The following JAZF1 variants were observed in gnomAD, a reference collection of about 807,000 sequenced individuals.
JAZF1 encodes the protein juxtaposed with another zinc finger protein 1.
Under a neutral mutation model 26.4 loss-of-function variants are expected in JAZF1, and 8 were observed. The observed-to-expected ratio is 0.30, with a 90% CI of 0.18 to 0.55. The LOEUF (loss-of-function observed/expected upper bound fraction) is 0.55. Ranked by LOEUF, JAZF1 falls within the 20% of genes least tolerant of loss-of-function variation. The probability of loss-of-function intolerance (pLI) is 0.94; values close to 1 mark genes in which losing one functional copy is unlikely to be tolerated. For missense variants in JAZF1, 199 were observed against 322.0 expected (o/e 0.62, Z 2.92); for synonymous variants, 126 against 122.3 (o/e 1.03, Z -0.20).
chr7:27,870,075 ATTTTTTTTTTT>A (rs371770357), intron 3 of JAZF1, among the ~76,000 whole-genome samples: 167 of 120,640 alleles, frequency 1.4e-3, no homozygotes, highest in East Asian at 0.011. Context: ...CACCCGGTTA[ATTTTTTTTTTT>A]TTTTTTTTTT....
At chr7:27,845,241 G>C (rs61446104) in intron 3 of JAZF1, among the ~76,000 whole-genome samples, 1 of 152,110 alleles carries the variant, frequency 6.6e-6, no homozygotes, top group Admixed American at 6.5e-5. Context: ...ACCCCTTTGG[G>C]GCCCAGAGTG....
chr7:28,164,712 C>A (rs1279687626), intron 1 of JAZF1, among the ~76,000 whole-genome samples: 2 of 152,156 alleles, frequency 1.3e-5, no homozygotes, highest in African/African-American at 4.8e-5. Context: ...AAATAAAATA[C>A]ATGTTACGTT....
At chr7:27,969,791 G>T (rs564604141) in intron 2 of JAZF1, among the ~76,000 whole-genome samples, 1 of 128,340 alleles carries the variant, frequency 7.8e-6, no homozygotes, top group South Asian at 2.5e-4. Flanking sequence ...TGTGTATGAG[G>T]CAAGACAATG....
chr7:27,933,896 G>A (rs1288410120), intron 2 of JAZF1, among the ~76,000 whole-genome samples: 1 of 152,174 alleles, frequency 6.6e-6, no homozygotes, highest in African/African-American at 2.4e-5. Flanking sequence ...GTCCCACACT[G>A]TGAGTTGGCA....
intron 2 of JAZF1, among the ~76,000 whole-genome samples, chr7:27,927,520 T>C (rs1202628373): frequency 6.6e-6 from 1 of 152,124 alleles, no homozygotes; most frequent in African/African-American, 2.4e-5. Flanking sequence ...TTAAATCATA[T>C]AATAACTATA....
intron 2 of JAZF1, among the ~76,000 whole-genome samples, chr7:27,938,510 G>A (rs944494276): frequency 2.0e-5 from 3 of 152,196 alleles, no homozygotes; most frequent in Non-Finnish European, 4.4e-5. Context: ...TGGTGCTACA[G>A]CCTTGGGCAA....
intron 2 of JAZF1, among the ~76,000 whole-genome samples, chr7:27,937,178 T>G (rs750324660): frequency 4.6e-5 from 7 of 152,200 alleles, no homozygotes; most frequent in African/African-American, 1.7e-4. Flanking sequence ...CCAAAGAGAT[T>G]TGTGCATTAT....
intron 1 of JAZF1, among the ~76,000 whole-genome samples, chr7:28,040,592 A>T (rs1783373259): frequency 6.6e-6 from 1 of 152,114 alleles, no homozygotes; most frequent in African/African-American, 2.4e-5. Context: ...GACAGGTGTG[A>T]GGAGGAGGAA....
In JAZF1 at chr7:28,093,989, G is replaced by T. The variant is rs145159906; in HGVS notation, c.115+86474C>A. On this transcript the variant is annotated intron_variant, in intron 1 of 4. Transcript: ENST00000283928. ...AGTATTCCATATATTCATTCGCAAA[G>T]CTTGGAACTTAGATTCTTGTGTGGC... Among the ~76,000 whole-genome samples, 667 of 152,322 alleles carry T rather than the reference G, an allele frequency of 4.4e-3. 7 individuals are homozygous for T. The highest frequency in any genetic ancestry group is 0.016 in the African/African-American group (651 of 41,572).
chr7:28,048,473 T>C (rs1783534487), intron 1 of JAZF1, among the ~76,000 whole-genome samples: 1 of 152,192 alleles, frequency 6.6e-6, no homozygotes, highest in South Asian at 2.1e-4. Flanking sequence ...TCAGCACTTC[T>C]AAGTTTCTTT....
chr7:28,151,856 TA>T (rs1325332049), intron 1 of JAZF1, among the ~76,000 whole-genome samples: 1 of 152,208 alleles, frequency 6.6e-6, no homozygotes, highest in African/African-American at 2.4e-5. Flanking sequence ...CTAATGTTTT[TA>T]AAAAACCTGC....
chr7:27,957,199 C>CT (rs1785110904), intron 2 of JAZF1, among the ~76,000 whole-genome samples: 1 of 152,172 alleles, frequency 6.6e-6, no homozygotes, highest in African/African-American at 2.4e-5. Flanking sequence ...GGAACAGCAG[C>CT]CAGACCCTGA....
chr7:28,083,618 T>C (rs1450178034), intron 1 of JAZF1, among the ~76,000 whole-genome samples: 1 of 152,074 alleles, frequency 6.6e-6, no homozygotes, highest in Non-Finnish European at 1.5e-5. Context: ...GAGTGCTGTA[T>C]TATTTTATAT....
Position 27,936,057 on chromosome 7 carries a change from G to A in JAZF1, c.189-40641C>T, listed in dbSNP as rs558228309. ...TCCATGCCACCTCCCTGGGAAGTTC[G>A]AAACAAGAACAGCTGCAAGTAGAAA... On this transcript the variant is annotated intron_variant, in intron 2 of 4. Coordinates refer to ENST00000283928, the MANE Select transcript of JAZF1 (RefSeq NM_175061.4). 4.6e-5 allele frequency among the ~76,000 whole-genome samples: 7 copies of A among 152,278 alleles called. No homozygotes were observed. In the South Asian group the frequency reaches 1.0e-3, roughly 23 times the overall value.
At chr7:28,021,948 A>T (rs953790950) in intron 1 of JAZF1, among the ~76,000 whole-genome samples, 1 of 152,224 alleles carries the variant, frequency 6.6e-6, no homozygotes, top group African/African-American at 2.4e-5. Flanking sequence ...GTAAAATTCA[A>T]ACAAAGAAAC....
At chr7:28,137,303 G>A (rs1782901078) in intron 1 of JAZF1, among the ~76,000 whole-genome samples, 1 of 152,216 alleles carries the variant, frequency 6.6e-6, no homozygotes, top group Non-Finnish European at 1.5e-5. Context: ...TCTCACCGCT[G>A]TGAAAAGTAA....
At chr7:28,116,569 G>C (rs1029257461) in intron 1 of JAZF1, among the ~76,000 whole-genome samples, 3 of 149,308 alleles carry the variant, frequency 2.0e-5, no homozygotes, top group Non-Finnish European at 4.5e-5. Flanking sequence ...CTCAGCCTCT[G>C]AGTAGCTGGG....
chr7:27,994,633 T>C (rs1476642417), intron 1 of JAZF1, among the ~76,000 whole-genome samples: 1 of 152,204 alleles, frequency 6.6e-6, no homozygotes, highest in Non-Finnish European at 1.5e-5. Context: ...ACCTTTAGAA[T>C]ATCCATTAAA....
At chr7:28,079,778 T>C (rs1784106699) in intron 1 of JAZF1, among the ~76,000 whole-genome samples, 1 of 152,224 alleles carries the variant, frequency 6.6e-6, no homozygotes, top group South Asian at 2.1e-4. Context: ...ACATCCAATA[T>C]GCTGTTAATA....
Sources: gnomAD v4.1 joint callset for allele counts (sites outside exome capture counted in the v4.1 genomes callset) on GRCh38, gnomAD v4.1.1 for gene constraint, MANE v1.5 for transcripts, NCBI Gene and HGNC (gene_info 2026-07-23, HGNC 2026-07-21) for gene names.